The following JAKMIP1 variants were observed in gnomAD, a reference collection of about 807,000 sequenced individuals.
JAKMIP1 encodes janus kinase and microtubule-interacting protein 1.
JAKMIP1 carries 33 observed loss-of-function variants against 113.0 expected under a neutral mutation model. The ratio of observed to expected loss-of-function variants is 0.29; its 90% CI spans 0.22 to 0.39. JAKMIP1 has a LOEUF of 0.39. Ranked by LOEUF, JAKMIP1 falls within the 10% of genes least tolerant of loss-of-function variation. The pLI, the probability that JAKMIP1 is intolerant of heterozygous loss-of-function variation, is 1.00. For missense variants in JAKMIP1, 813 were observed against 1,080.5 expected, an observed-to-expected ratio of 0.75 and a Z score of 3.47; for synonymous variants, 480 against 459.9, an observed-to-expected ratio of 1.04 and a Z score of -0.56.
intron 2 of JAKMIP1, among the ~76,000 whole-genome samples, chr4:6,107,287 C>T (rs1431294688): frequency 3.9e-5 from 6 of 152,146 alleles, no homozygotes; most frequent in Admixed American, 6.5e-5. Flanking sequence ...TGGTTAATGC[C>T]GACAGCCATC....
intron 1 of JAKMIP1, among the ~76,000 whole-genome samples, chr4:6,169,482 CAG>C (rs1219090727): frequency 1.3e-5 from 2 of 152,128 alleles, no homozygotes; most frequent in African/African-American, 4.8e-5. Context: ...CTAGAGCTTT[CAG>C]AGAGAGCATG....
Position 6,167,648 on chromosome 4 carries a change from G to T in JAKMIP1, c.-148+32605C>A, listed in dbSNP as rs1165307381. ...CTGACAACCACCAGCCCTAACCACA[G>T]ACTTCCATGGGCCGGGCACTGAGCT... On this transcript the variant is annotated intron_variant, in intron 1 of 20. Coordinates refer to ENST00000409021, the MANE Select transcript of JAKMIP1 (RefSeq NM_001099433.2). The surrounding 1 kb of genome is among the most constrained non-coding windows in gnomAD (Gnocchi z 5.3). Among the ~76,000 whole-genome samples, 2 of 152,238 alleles carry T rather than the reference G, an allele frequency of 1.3e-5. No homozygotes were observed. The highest frequency in any genetic ancestry group is 3.9e-4 in the East Asian group (2 of 5,168).
chr4:6,074,921 T>C (rs1361263246), intron 8 of JAKMIP1, among the ~76,000 whole-genome samples: 5 of 152,210 alleles, frequency 3.3e-5, no homozygotes, highest in Non-Finnish European at 7.3e-5. Flanking sequence ...CTGAATAGCC[T>C]AGGTGTGTAG....
chr4:6,083,033 G>A lies in JAKMIP1; in HGVS notation c.955-1278C>T, dbSNP rs193153043. Among the ~76,000 whole-genome samples, 11 of 152,102 alleles carry A rather than the reference G, an allele frequency of 7.2e-5. No individual in the cohort carries two copies. In the East Asian group the frequency reaches 1.7e-3, roughly 24 times the overall value. On this transcript the variant is annotated intron_variant, in intron 5 of 20. Coordinates refer to ENST00000409021, the MANE Select transcript of JAKMIP1 (RefSeq NM_001099433.2). ...TCCATAAAATAAAACAAAGTCTCTCGGTGAGTTTTAAGGTATTTATTTAAA... is the reference window on the plus strand; with the variant it reads ...TCCATAAAATAAAACAAAGTCTCTCAGTGAGTTTTAAGGTATTTATTTAAA...
intron 1 of JAKMIP1, among the ~76,000 whole-genome samples, chr4:6,164,449 A>G (rs931788231): frequency 2.6e-5 from 4 of 151,218 alleles, no homozygotes; most frequent in Admixed American, 2.6e-4. Context: ...GATGTAGAGG[A>G]GATTGATGTT....
intron 1 of JAKMIP1, among the ~76,000 whole-genome samples, chr4:6,171,107 C>G (rs928351709): frequency 8.8e-5 from 13 of 148,392 alleles, no homozygotes; most frequent in African/African-American, 3.0e-4. Flanking sequence ...CTACCACCAT[C>G]ATCACCACCA....
In JAKMIP1 at chr4:6,048,888, T is replaced by G; in HGVS notation, c.1997A>C (p.Gln666Pro). 1 of 1,614,040 alleles carries G rather than the reference T, an allele frequency of 6.2e-7. No homozygotes were observed. Among genetic ancestry groups the G allele is most frequent in the Non-Finnish European group, 8.5e-7 (1 of 1,179,886 alleles). Reference sequence around the variant, plus strand: ...ACACAGGGCAAGCACAGTTCCAGCTTGGATTATTGCAACCTGTTCTTCATT... The same window carrying G: ...ACACAGGGCAAGCACAGTTCCAGCTGGGATTATTGCAACCTGTTCTTCATT... ...LRNEEQVAII[Q>P]AGTVLALCEK... is the part of the protein sequence containing the mutation. Residue 666 changes from glutamine to proline, a missense_variant, in exon 16 of 21, where the codon CAA becomes CCA. Gln to Pro is a moderately conservative substitution (Grantham distance 76). Around this residue, in one of 2 missense-constraint regions of JAKMIP1, gnomAD observed 273 missense variants for 426.6 expected, o/e 0.64. Transcript: ENST00000409021.
chr4:6,026,783 C>G (rs934558016), intron 20 of JAKMIP1, among the ~76,000 whole-genome samples: 2 of 152,160 alleles, frequency 1.3e-5, no homozygotes, highest in African/African-American at 4.8e-5. Context: ...CCTCTACCCA[C>G]AGGCCCCATG....
At chr4:6,053,510 G>T (rs1162596272) in intron 13 of JAKMIP1, among the ~76,000 whole-genome samples, 1 of 152,124 alleles carries the variant, frequency 6.6e-6, no homozygotes, top group African/African-American at 2.4e-5. Context: ...TACTTACCTT[G>T]TGTTTACCTT....
chr4:6,113,428 A>G (rs1296131365), intron 1 of JAKMIP1, among the ~76,000 whole-genome samples: 1 of 152,226 alleles, frequency 6.6e-6, no homozygotes, highest in Non-Finnish European at 1.5e-5. Context: ...ATGGTGGTCC[A>G]GGGAATCTGC....
chr4:6,166,838 G>A (rs192126982), intron 1 of JAKMIP1, among the ~76,000 whole-genome samples: 4 of 152,230 alleles, frequency 2.6e-5, no homozygotes, highest in African/African-American at 9.6e-5. Flanking sequence ...CAGCTCTGTG[G>A]TCTTGGGCAA....
At position 6,141,233 on chromosome 4, in the gene JAKMIP1, C is replaced by T. The variant is rs1040288123; in HGVS notation, c.-147-28236G>A. 2.0e-5 allele frequency among the ~76,000 whole-genome samples: 3 copies of T among 152,144 alleles called. No individual in the cohort carries two copies. The highest frequency in any genetic ancestry group is 3.9e-4 in the East Asian group (2 of 5,190). On this transcript the variant is annotated intron_variant, in intron 1 of 20. Coordinates refer to ENST00000409021, the MANE Select transcript of JAKMIP1 (RefSeq NM_001099433.2). The surrounding 1 kb of genome is among the most constrained non-coding windows in gnomAD (Gnocchi z 9.4). Reference sequence around the variant, plus strand: ...GGCAGATCACTTGAGCCCAGGAATTCGAGACCAGCCTGGCCAACATGGCGA... The same window carrying T: ...GGCAGATCACTTGAGCCCAGGAATTTGAGACCAGCCTGGCCAACATGGCGA...
At chr4:6,126,107 C>T (rs1344790381) in intron 1 of JAKMIP1, among the ~76,000 whole-genome samples, 1 of 145,038 alleles carries the variant, frequency 6.9e-6, no homozygotes, top group African/African-American at 2.6e-5. Flanking sequence ...CACACACACA[C>T]AAACACACAC....
chr4:6,180,246 A>G lies in JAKMIP1; in HGVS notation c.-148+20007T>C, dbSNP rs1218634117. 6.6e-6 allele frequency among the ~76,000 whole-genome samples: 1 copy of G among 152,254 alleles called. No homozygotes were observed. Reference sequence around the variant, plus strand: ...CCCACAAACAGAAATAATTTCTGATAAAATTGCTACTCGTAACATTCAGAA... The same window carrying G: ...CCCACAAACAGAAATAATTTCTGATGAAATTGCTACTCGTAACATTCAGAA... On this transcript the variant is annotated intron_variant, in intron 1 of 20. Coordinates refer to ENST00000409021, the MANE Select transcript of JAKMIP1 (RefSeq NM_001099433.2). This position sits in a 1 kb window ranked among gnomAD's most constrained non-coding sequence, Gnocchi z 4.5.
At chr4:6,122,002 T>C (rs949209877) in intron 1 of JAKMIP1, among the ~76,000 whole-genome samples, 1 of 152,212 alleles carries the variant, frequency 6.6e-6, no homozygotes, top group African/African-American at 2.4e-5. Flanking sequence ...ATACGCTGTA[T>C]ATATGTGCAT....
rs1368824448 is a variant in JAKMIP1 at position 6,186,181 on chromosome 4, G to A, written c.-148+14072C>T. ...TGAGGGGAATGCAGGAACAGCCGAC[G>A]AGGCTTCCCTGGAGCTTGCCAGGGG... is the stretch of plus-strand genomic sequence containing the variant. On this transcript the variant is annotated intron_variant, in intron 1 of 20. Transcript: ENST00000409021. The surrounding 1 kb of genome is among the most constrained non-coding windows in gnomAD (Gnocchi z 5.5). Among the ~76,000 whole-genome samples, 1 of 152,184 alleles carries A rather than the reference G, an allele frequency of 6.6e-6. No individual in the cohort carries two copies. Among genetic ancestry groups the A allele is most frequent in the East Asian group, 1.9e-4 (1 of 5,188 alleles).
chr4:6,116,436 A>G lies in JAKMIP1; in HGVS notation c.-147-3439T>C, dbSNP rs369138146. On this transcript the variant is annotated intron_variant, in intron 1 of 20. Coordinates refer to ENST00000409021, the MANE Select transcript of JAKMIP1 (RefSeq NM_001099433.2). The surrounding 1 kb of genome is among the most constrained non-coding windows in gnomAD (Gnocchi z 5.1). ...CTGGCTCAGCGCCGCAGGCTGGAGG[A>G]TGACTGCTCAGGACACACAGGAGGC... Among the ~76,000 whole-genome samples the G allele has an allele frequency of 1.4e-4, 22 of 152,186 alleles. No individual in the cohort carries two copies. The South Asian group carries it at 1.7e-3, about 11-fold the overall frequency.
Position 6,042,277 on chromosome 4 carries a change from C to T in JAKMIP1, c.2029-50G>A. On this transcript the variant is annotated intron_variant, in intron 16 of 20. Transcript: ENST00000409021. This position sits in a 1 kb window ranked among gnomAD's most constrained non-coding sequence, Gnocchi z 5.2. ...GGTGCAGCAAAGTGAGAGTCAGAAC[C>T]CAAGGGGCTGTGGAATTTCACAGGT... is the stretch of plus-strand genomic sequence containing the variant. The T allele has an allele frequency of 1.4e-6, 2 of 1,442,018 alleles. No individual in the cohort carries two copies. Among genetic ancestry groups the T allele is most frequent in the South Asian group, 1.1e-5 (1 of 87,290 alleles). The allele number at this position is 1,442,018 out of a possible 1,614,324, so 89.3% of individuals were successfully genotyped here.
rs957740772 is a variant in JAKMIP1, at chr4:6,040,805, T to C, written c.2098-89A>G. 2 of 993,076 alleles carry C rather than the reference T, an allele frequency of 2.0e-6. No individual in the cohort carries two copies. Among genetic ancestry groups the C allele is most frequent in the African/African-American group, 1.6e-5 (1 of 62,872 alleles). 61.5% of individuals were successfully genotyped at this position (993,076 alleles called of 1,614,324 possible). A position where few individuals can be genotyped will look rare whatever the true frequency, so the allele number is the denominator to read the frequency against. ...GCCCGTTTGCTAGAGAGTGGCAGTCTCACCGAATTGGGGGCACTCAGATGA... is the reference window on the plus strand; with the variant it reads ...GCCCGTTTGCTAGAGAGTGGCAGTCCCACCGAATTGGGGGCACTCAGATGA... On this transcript the variant is annotated intron_variant, in intron 17 of 20. Transcript: ENST00000409021. The surrounding 1 kb of genome is among the most constrained non-coding windows in gnomAD (Gnocchi z 5.8).
Sources: allele counts gnomAD v4.1 joint callset (sites outside exome capture counted in the v4.1 genomes callset), GRCh38; gene constraint gnomAD v4.1.1; regional missense constraint gnomAD v4.1.1; non-coding constraint Gnocchi (gnomAD v3.1); transcripts MANE v1.5; gene names NCBI Gene and HGNC (gene_info 2026-07-23, HGNC 2026-07-21).